Variants in PDE8B observed in about 807,000 individuals in gnomAD.
PDE8B encodes the protein phosphodiesterase 8B.
PDE8B carries 26 observed loss-of-function variants against 101.3 expected under a neutral mutation model. The ratio of observed to expected loss-of-function variants is 0.26; its 90% CI spans 0.19 to 0.36. The LOEUF is 0.36. PDE8B is among the 10% of genes least tolerant of loss of function. The pLI, the probability that PDE8B is intolerant of heterozygous loss-of-function variation, is 1.00. For synonymous variants in PDE8B, 424 were observed against 429.3 expected, an observed-to-expected ratio of 0.99 and a Z score of 0.15; for missense variants, 810 against 1,163.1, an observed-to-expected ratio of 0.70 and a Z score of 4.42.
chr5:77,202,502 TTAA>T, the PDE8B span, among the ~76,000 whole-genome samples: 2 of 152,280 alleles, frequency 1.3e-5, no homozygotes, highest in African/African-American at 4.8e-5. Context: ...CATGTTTTTC[TTAA>T]TAACATTTTC....
In PDE8B at chr5:77,234,845, T is replaced by G. The variant is rs78384917; in HGVS notation, c.339+23581T>G. Among the ~76,000 whole-genome samples the G allele has an allele frequency of 6.6e-3, 998 of 152,310 alleles. 10 individuals carry two copies. Among genetic ancestry groups the G allele is most frequent in the African/African-American group, 0.023 (948 of 41,558 alleles). On this transcript the variant is annotated intron_variant, in intron 1 of 21. Transcript: ENST00000264917. ...TCTAAATGAATATTATTTGGCCTGT[T>G]TTCTCGTTCATTTAATGGGATAAGA... is the stretch of plus-strand genomic sequence containing the variant.
the PDE8B span, among the ~76,000 whole-genome samples, chr5:77,126,102 C>T: frequency 3.7e-4 from 56 of 152,022 alleles, no homozygotes; most frequent in African/African-American, 1.2e-3. Flanking sequence ...CTGGCTAACA[C>T]GGTGAAACCC....
At chr5:77,147,182 GT>G in the PDE8B span, 12 of 325,312 alleles carry the variant, frequency 3.7e-5, no homozygotes, top group East Asian at 7.6e-5. Context: ...TTCTAGCACA[GT>G]TTTTTTTCTT....
chr5:77,310,689 AC>A (rs1297963852), intron 1 of PDE8B, among the ~76,000 whole-genome samples: 4 of 151,838 alleles, frequency 2.6e-5, no homozygotes, highest in African/African-American at 9.7e-5. Context: ...CCTCCTGAGA[AC>A]CCCCCACAGA....
intron 10 of PDE8B, among the ~76,000 whole-genome samples, chr5:77,387,109 T>C (rs529632225): frequency 9.2e-5 from 14 of 151,962 alleles, no homozygotes; most frequent in Non-Finnish European, 1.5e-4. Context: ...GGTCTCGATC[T>C]CCTGACCTCA....
upstream of PDE8B, among the ~76,000 whole-genome samples, chr5:77,205,620 A>T (rs1242006582): frequency 1.3e-5 from 2 of 152,206 alleles, no homozygotes; most frequent in Non-Finnish European, 2.9e-5. Flanking sequence ...AGTTACCTAA[A>T]TACTTTTTGT....
At chr5:77,197,657 C>G in the PDE8B span, among the ~76,000 whole-genome samples, 2 of 149,802 alleles carry the variant, frequency 1.3e-5, no homozygotes, top group Non-Finnish European at 3.0e-5. Flanking sequence ...CTCTTTTCTT[C>G]TTTATTAGTC....
chr5:77,380,093 G>A (rs1000764933), intron 10 of PDE8B, among the ~76,000 whole-genome samples: 2 of 152,156 alleles, frequency 1.3e-5, no homozygotes, highest in Non-Finnish European at 2.9e-5. Flanking sequence ...ATCTTAACCA[G>A]GTTTTTTACC....
At chr5:77,362,777 C>T (rs557274679) in intron 10 of PDE8B, among the ~76,000 whole-genome samples, 2 of 152,332 alleles carry the variant, frequency 1.3e-5, no homozygotes, top group East Asian at 3.9e-4. Flanking sequence ...CTCTGTGTGT[C>T]ACTCCCTCTG....
chr5:77,378,050 C>CACACA (rs1297659516), intron 10 of PDE8B, among the ~76,000 whole-genome samples: 173 of 110,262 alleles, frequency 1.6e-3, no homozygotes, highest in Middle Eastern at 8.6e-3. Context: ...ACACACACAC[C>CACACA]CCCTGTTGGT....
chr5:77,326,559 T>C (rs1247619492), intron 3 of PDE8B, among the ~76,000 whole-genome samples: 1 of 152,188 alleles, frequency 6.6e-6, no homozygotes, highest in Non-Finnish European at 1.5e-5. Context: ...CTTTGATGAT[T>C]TTCAGTTTCC....
At chr5:77,331,963 A>G (rs1777215036) in intron 5 of PDE8B, among the ~76,000 whole-genome samples, 1 of 152,206 alleles carries the variant, frequency 6.6e-6, no homozygotes, top group South Asian at 2.1e-4. Context: ...GTGACAAACT[A>G]CACAAATAAC....
chr5:77,180,499 C>A, the PDE8B span: 1 of 985,082 alleles, frequency 1.0e-6, no homozygotes, highest in Non-Finnish European at 1.2e-6. Flanking sequence ...GAGCCCCCAG[C>A]GCGGGGGACC....
At chr5:77,319,681 G>A (rs957915480) in intron 2 of PDE8B, among the ~76,000 whole-genome samples, 1 of 152,094 alleles carries the variant, frequency 6.6e-6, no homozygotes, top group Non-Finnish European at 1.5e-5. Context: ...TGAGGACAGC[G>A]GTGTGGCAAA....
At chr5:77,333,428 G>A (rs1205059641) in intron 5 of PDE8B, among the ~76,000 whole-genome samples, 9 of 152,096 alleles carry the variant, frequency 5.9e-5, no homozygotes, top group Non-Finnish European at 2.9e-5. Flanking sequence ...TTGACCCCCC[G>A]ACTCTACCCC....
At chr5:77,318,422 G>T (rs767894515) in intron 2 of PDE8B, among the ~76,000 whole-genome samples, 7 of 152,164 alleles carry the variant, frequency 4.6e-5, no homozygotes, top group Non-Finnish European at 8.8e-5. Context: ...TTAACATAGT[G>T]ATTACAAAGG....
intron 1 of PDE8B, chr5:77,291,273 G>A: frequency 6.2e-7 from 1 of 1,613,040 alleles, no homozygotes; most frequent in South Asian, 1.1e-5. Context: ...GAACCCATGG[G>A]ACCCTAATGT....
chr5:77,097,693 C>CTATATATATATATA, the PDE8B span, among the ~76,000 whole-genome samples: 1 of 30,218 alleles, frequency 3.3e-5, no homozygotes, highest in Admixed American at 4.9e-4. Flanking sequence ...TTTTATATAT[C>CTATATATATATATA]TATATATATA....
intron 2 of PDE8B, among the ~76,000 whole-genome samples, chr5:77,324,618 TA>T (rs1203808238): frequency 1.3e-5 from 2 of 152,216 alleles, no homozygotes; most frequent in Non-Finnish European, 2.9e-5. Flanking sequence ...TCCCTCGACT[TA>T]GCTCCATCAG....
Sources: allele counts gnomAD v4.1 joint callset (sites outside exome capture counted in the v4.1 genomes callset), GRCh38; gene constraint gnomAD v4.1.1; transcripts MANE v1.5; gene names NCBI Gene and HGNC (gene_info 2026-07-23, HGNC 2026-07-21).